AGPAT4: variants seen among roughly 807,000 people sequenced by gnomAD.
The protein encoded by AGPAT4 is 1-acylglycerol-3-phosphate O-acyltransferase 4, also known as 1-acyl-sn-glycerol-3-phosphate acyltransferase delta.
AGPAT4 carries 15 observed loss-of-function variants against 48.0 expected under a neutral mutation model. The ratio of observed to expected loss-of-function variants is 0.31; its 90% CI spans 0.21 to 0.48. The LOEUF is 0.48. Ranked by LOEUF, AGPAT4 falls within the 20% of genes least tolerant of loss-of-function variation. The probability of loss-of-function intolerance (pLI) is 0.99; values close to 1 mark genes in which losing one functional copy is unlikely to be tolerated. For synonymous variants in AGPAT4, 178 were observed against 198.7 expected (o/e 0.90, Z 0.88); for missense variants, 314 against 482.5 (o/e 0.65, Z 3.27).
In AGPAT4 at chr6:161,166,204, C is replaced by T. The variant is rs780993476; in HGVS notation, c.348+44G>A. 1 of 1,600,380 alleles carries T rather than the reference C, an allele frequency of 6.2e-7. No homozygotes were observed. Among genetic ancestry groups the T allele is most frequent in the Admixed American group, 1.7e-5 (1 of 58,420 alleles). On this transcript the variant is annotated intron_variant, in intron 3 of 8. Coordinates refer to ENST00000320285, the MANE Select transcript of AGPAT4 (RefSeq NM_020133.3). The surrounding 1 kb of genome is among the most constrained non-coding windows in gnomAD (Gnocchi z 6.7). ...CAAAAAGACAAGTGGTGGGGCTGAA[C>T]CAGAGAAATGTGTGAGGCAGGGGGG...
intron 1 of AGPAT4, among the ~76,000 whole-genome samples, chr6:161,273,271 TAGAG>T (rs1037951251): frequency 1.3e-5 from 2 of 152,042 alleles, no homozygotes; most frequent in Non-Finnish European, 1.5e-5. Context: ...ATTAGGTAAA[TAGAG>T]AGGTAATTAC....
rs1337129153 is a variant in AGPAT4, at chr6:161,251,080, C to T, written c.-89-18778G>A. Among the ~76,000 whole-genome samples, 1 of 152,176 alleles carries T rather than the reference C, an allele frequency of 6.6e-6. No individual in the cohort carries two copies. The highest frequency in any genetic ancestry group is 1.5e-5 in the Non-Finnish European group (1 of 68,020). The stretch of plus-strand genomic sequence containing the variant: ...ATGAAGTAAGAACTGTAATTTCTTT[C>T]ATAATGTTTAAACTTAGGGCTTCCT... On this transcript the variant is annotated intron_variant, in intron 1 of 8. Coordinates refer to ENST00000320285, the MANE Select transcript of AGPAT4 (RefSeq NM_020133.3). The surrounding 1 kb of genome is among the most constrained non-coding windows in gnomAD (Gnocchi z 4.6).
At position 161,146,632 on chromosome 6, in the gene AGPAT4, G is replaced by A; in HGVS notation, c.768-33C>T. ...GGCAGAGAGCAGCTAGCAGAGAGGAGGTGATGCCCCCCTACAACATACAGT... is the reference window on the plus strand; with the variant it reads ...GGCAGAGAGCAGCTAGCAGAGAGGAAGTGATGCCCCCCTACAACATACAGT... On this transcript the variant is annotated intron_variant, in intron 6 of 8. Coordinates refer to ENST00000320285, the MANE Select transcript of AGPAT4 (RefSeq NM_020133.3). This position sits in a 1 kb window ranked among gnomAD's most constrained non-coding sequence, Gnocchi z 7.1. 3 of 1,602,596 alleles carry A rather than the reference G, an allele frequency of 1.9e-6. No individual in the cohort carries two copies. Among genetic ancestry groups the A allele is most frequent in the Non-Finnish European group, 2.6e-6 (3 of 1,169,838 alleles).
rs1782144773 is a variant in AGPAT4 at position 161,232,321 on chromosome 6, G to A, written c.-89-19C>T. 2.7e-6 allele frequency: 3 copies of A among 1,094,208 alleles called. No homozygotes were observed. The highest frequency in any genetic ancestry group is 1.6e-5 in the African/African-American group (1 of 63,072). 67.8% of individuals were successfully genotyped at this position (1,094,208 alleles called of 1,614,324 possible). ...AAGGCGTCTAAAACACAAACAAATA[G>A]GAAATGTTAGCAAAAACACGATGTG... On this transcript the variant is annotated intron_variant, in intron 1 of 8. Coordinates refer to ENST00000320285, the MANE Select transcript of AGPAT4 (RefSeq NM_020133.3). This position sits in a 1 kb window ranked among gnomAD's most constrained non-coding sequence, Gnocchi z 6.8.
rs1783399105 is a variant in AGPAT4, at chr6:161,270,771, G to A, written c.-90+3167C>T. Among the ~76,000 whole-genome samples the A allele has an allele frequency of 6.6e-6, 1 of 150,852 alleles. No individual in the cohort carries two copies. Among genetic ancestry groups the A allele is most frequent in the Non-Finnish European group, 1.5e-5 (1 of 67,480 alleles). ...CACTCCAGCCTGGGCGACAGAGCAA[G>A]ACTTCATCTCAAAAAAAAAATAAAT... On this transcript the variant is annotated intron_variant, in intron 1 of 8. Coordinates refer to ENST00000320285, the MANE Select transcript of AGPAT4 (RefSeq NM_020133.3). The surrounding 1 kb of genome is among the most constrained non-coding windows in gnomAD (Gnocchi z 5.3).
chr6:161,200,700 G>A lies in AGPAT4; in HGVS notation c.178+31336C>T, dbSNP rs376691298. On this transcript the variant is annotated intron_variant, in intron 2 of 8. Transcript: ENST00000320285. This position sits in a 1 kb window ranked among gnomAD's most constrained non-coding sequence, Gnocchi z 5.5. ...CCTCCTCTGCTCTTTGTAAAGAATC[G>A]GGGACAAACAAGTGACATATTGGAA... Among the ~76,000 whole-genome samples the A allele has an allele frequency of 2.2e-4, 34 of 152,230 alleles. No homozygotes were observed. In the East Asian group the frequency reaches 2.5e-3, roughly 11 times the overall value.
rs992873328 is a variant in AGPAT4 at position 161,229,619 on chromosome 6, T to C, written c.178+2417A>G. Among the ~76,000 whole-genome samples the C allele has an allele frequency of 3.3e-5, 5 of 152,066 alleles. No homozygotes were observed. The highest frequency in any genetic ancestry group is 1.2e-4 in the African/African-American group (5 of 41,412). ...CAGAAACGGAGAATCCTGGCGAGGA[T>C]TCTCTCAAACCTGGGGATAGTTTGC... On this transcript the variant is annotated intron_variant, in intron 2 of 8. Coordinates refer to ENST00000320285, the MANE Select transcript of AGPAT4 (RefSeq NM_020133.3). The surrounding 1 kb of genome is among the most constrained non-coding windows in gnomAD (Gnocchi z 6.0).
rs1318466385 is a variant in AGPAT4 at position 161,215,528 on chromosome 6, T to C, written c.178+16508A>G. On this transcript the variant is annotated intron_variant, in intron 2 of 8. Coordinates refer to ENST00000320285, the MANE Select transcript of AGPAT4 (RefSeq NM_020133.3). The surrounding 1 kb of genome is among the most constrained non-coding windows in gnomAD (Gnocchi z 4.5). ...CATGAGTGTGGTTCTCAGGTCTGTC[T>C]CTCTGGCACACATTACAGGCAAAAC... is the stretch of plus-strand genomic sequence containing the variant. Among the ~76,000 whole-genome samples, 8 of 152,138 alleles carry C rather than the reference T, an allele frequency of 5.3e-5. No homozygotes were observed. The highest frequency in any genetic ancestry group is 3.9e-4 in the Admixed American group (6 of 15,276).
rs1206813215 is a variant in AGPAT4, at chr6:161,264,560, G to A, written c.-90+9378C>T. 2.6e-5 allele frequency among the ~76,000 whole-genome samples: 4 copies of A among 152,184 alleles called. No individual in the cohort carries two copies. The highest frequency in any genetic ancestry group is 7.2e-5 in the African/African-American group (3 of 41,460). On this transcript the variant is annotated intron_variant, in intron 1 of 8. Transcript: ENST00000320285. This position sits in a 1 kb window ranked among gnomAD's most constrained non-coding sequence, Gnocchi z 6.8. Reference sequence around the variant, plus strand: ...GAGGTGGTCCCCCTGGCGTGCCCGCGCATCCCTGCCCTGCAAGTCTTATCC... The same window carrying A: ...GAGGTGGTCCCCCTGGCGTGCCCGCACATCCCTGCCCTGCAAGTCTTATCC...
rs192737955 is a variant in AGPAT4, at chr6:161,166,225, G to C, written c.348+23C>G. The C allele has an allele frequency of 1.8e-4, 293 of 1,611,434 alleles. 3 individuals carry two copies. The Admixed American group carries it at 2.0e-3, about 11-fold the overall frequency. ...TGAACCAGAGAAATGTGTGAGGCAG[G>C]GGGGAATGCACTTCTGACTTACCCC... On this transcript the variant is annotated intron_variant, in intron 3 of 8. Transcript: ENST00000320285. The surrounding 1 kb of genome is among the most constrained non-coding windows in gnomAD (Gnocchi z 6.7).
Position 161,195,679 on chromosome 6 carries a change from A to G in AGPAT4, c.179-29262T>C, listed in dbSNP as rs1026033111. 6.6e-6 allele frequency among the ~76,000 whole-genome samples: 1 copy of G among 152,182 alleles called. No individual in the cohort carries two copies. The highest frequency in any genetic ancestry group is 2.4e-5 in the African/African-American group (1 of 41,442). ...TGTCATGCCTCAGTCACCTTTGACTACTCCGAAGAGGAAAGAACTCTAAGA... is the reference window on the plus strand; with the variant it reads ...TGTCATGCCTCAGTCACCTTTGACTGCTCCGAAGAGGAAAGAACTCTAAGA... On this transcript the variant is annotated intron_variant, in intron 2 of 8. Transcript: ENST00000320285. The surrounding 1 kb of genome is among the most constrained non-coding windows in gnomAD (Gnocchi z 5.0).
rs894376399 is a variant in AGPAT4 at position 161,243,083 on chromosome 6, T to A, written c.-89-10781A>T. 5.3e-5 allele frequency among the ~76,000 whole-genome samples: 8 copies of A among 150,902 alleles called. No individual in the cohort carries two copies. Among genetic ancestry groups the A allele is most frequent in the African/African-American group, 1.5e-4 (6 of 41,054 alleles). Reference sequence around the variant, plus strand: ...GTCTCAAAAAAATTTTTTTTTAATTTAAAAAAAAATGAAACTTTTTCAAAC... The same window carrying A: ...GTCTCAAAAAAATTTTTTTTTAATTAAAAAAAAAATGAAACTTTTTCAAAC... On this transcript the variant is annotated intron_variant, in intron 1 of 8. Coordinates refer to ENST00000320285, the MANE Select transcript of AGPAT4 (RefSeq NM_020133.3). This position sits in a 1 kb window ranked among gnomAD's most constrained non-coding sequence, Gnocchi z 4.8.
At position 161,166,264 on chromosome 6, in the gene AGPAT4, C is replaced by T. The variant is rs1275681224; in HGVS notation, c.332G>A (p.Arg111His). 5 of 1,613,960 alleles carry T rather than the reference C, an allele frequency of 3.1e-6. No homozygotes were observed. Among genetic ancestry groups the T allele is most frequent in the African/African-American group, 2.7e-5 (2 of 74,930 alleles). ...CTGACTTACCCCTAACAGCCCAAAG[C>T]GTTCGGACAGGCTCCAGCCACACAG... ...DFLCGWSLSERFGLLGGSKVL... is the reference protein window; with the variant it reads ...DFLCGWSLSEHFGLLGGSKVL... The change falls in exon 3 of 9, where the codon CGC becomes CAC. Residue 111 changes from arginine (R) to histidine (H), a missense_variant. Transcript: ENST00000320285. This position sits in a 1 kb window ranked among gnomAD's most constrained non-coding sequence, Gnocchi z 6.7.
Position 161,195,591 on chromosome 6 carries a change from T to C in AGPAT4, c.179-29174A>G, listed in dbSNP as rs10499316. Among the ~76,000 whole-genome samples, 27,256 of 152,118 alleles carry C rather than the reference T, an allele frequency of 0.18. 4,368 individuals carry two copies. Among genetic ancestry groups the C allele is most frequent in the African/African-American group, 0.44 (18,104 of 41,472 alleles). Reference sequence around the variant, plus strand: ...ATGATGCCTGTAGTATAAAAGCAAATGTTGCAGAACTTCATCATGTGATCA... The same window carrying C: ...ATGATGCCTGTAGTATAAAAGCAAACGTTGCAGAACTTCATCATGTGATCA... On this transcript the variant is annotated intron_variant, in intron 2 of 8. Coordinates refer to ENST00000320285, the MANE Select transcript of AGPAT4 (RefSeq NM_020133.3). The surrounding 1 kb of genome is among the most constrained non-coding windows in gnomAD (Gnocchi z 5.0).
chr6:161,210,036 T>A (rs888436978), intron 2 of AGPAT4, among the ~76,000 whole-genome samples: 24 of 152,286 alleles, frequency 1.6e-4, no homozygotes, highest in African/African-American at 4.1e-4. Context: ...TAAAAAAAAT[T>A]TTTTTAAGTG....
Position 161,233,750 on chromosome 6 carries a change from T to C in AGPAT4, c.-89-1448A>G, listed in dbSNP as rs1474607181. Among the ~76,000 whole-genome samples, 1 of 152,220 alleles carries C rather than the reference T, an allele frequency of 6.6e-6. No individual in the cohort carries two copies. Among genetic ancestry groups the C allele is most frequent in the Admixed American group, 6.5e-5 (1 of 15,274 alleles). On this transcript the variant is annotated intron_variant, in intron 1 of 8. Transcript: ENST00000320285. This position sits in a 1 kb window ranked among gnomAD's most constrained non-coding sequence, Gnocchi z 5.4. ...AGGCTAAACGATGATGTTTGGTAGG[T>C]GAGGTGCATGCAATGCCTTTTTGAC...
In AGPAT4 at chr6:161,144,343, C is replaced by A; in HGVS notation, c.843+2181G>T. ...AGCTGGAAAACTGGGTAAATCACTT[C>A]ATCTTTCGGACCTGAATTTCCTCAT... On this transcript the variant is annotated intron_variant, in intron 7 of 8. Transcript: ENST00000320285. The surrounding 1 kb of genome is among the most constrained non-coding windows in gnomAD (Gnocchi z 6.6). The A allele has an allele frequency of 2.5e-6, 1 of 396,276 alleles. No homozygotes were observed. Among genetic ancestry groups the A allele is most frequent in the South Asian group, 1.9e-5 (1 of 53,632 alleles). The allele number at this position is 396,276 out of a possible 1,614,324, so 24.5% of individuals were successfully genotyped here.
chr6:161,231,306 T>G lies in AGPAT4; in HGVS notation c.178+730A>C, dbSNP rs1782116153. 6.6e-6 allele frequency among the ~76,000 whole-genome samples: 1 copy of G among 152,206 alleles called. No homozygotes were observed. Among genetic ancestry groups the G allele is most frequent in the South Asian group, 2.1e-4 (1 of 4,834 alleles). ...TACACTCACTCATCTTTTTAATTGT[T>G]GAAACTCAGGCCAGTCAAATTAGTC... On this transcript the variant is annotated intron_variant, in intron 2 of 8. Coordinates refer to ENST00000320285, the MANE Select transcript of AGPAT4 (RefSeq NM_020133.3). This position sits in a 1 kb window ranked among gnomAD's most constrained non-coding sequence, Gnocchi z 5.3.
In AGPAT4 at chr6:161,231,140, A is replaced by G. The variant is rs930184920; in HGVS notation, c.178+896T>C. ...GATGTTTTTAATAGACAAATTTTTA[A>G]AAAGCACATATTTTGAAATATATTC... On this transcript the variant is annotated intron_variant, in intron 2 of 8. Coordinates refer to ENST00000320285, the MANE Select transcript of AGPAT4 (RefSeq NM_020133.3). This position sits in a 1 kb window ranked among gnomAD's most constrained non-coding sequence, Gnocchi z 5.3. 6.6e-6 allele frequency among the ~76,000 whole-genome samples: 1 copy of G among 152,212 alleles called. No individual in the cohort carries two copies. Among genetic ancestry groups the G allele is most frequent in the Non-Finnish European group, 1.5e-5 (1 of 68,032 alleles).
Sources: allele counts gnomAD v4.1 joint callset (sites outside exome capture counted in the v4.1 genomes callset), GRCh38; gene constraint gnomAD v4.1.1; non-coding constraint Gnocchi (gnomAD v3.1); transcripts MANE v1.5; gene names NCBI Gene and HGNC (gene_info 2026-07-23, HGNC 2026-07-21).